PDZD2: variants seen among roughly 807,000 people sequenced by gnomAD.
The protein encoded by PDZD2 is PDZ domain-containing protein 2.
Under a neutral mutation model 220.7 loss-of-function variants are expected in PDZD2, and 90 were observed. The ratio of observed to expected loss-of-function variants is 0.41; its 90% confidence interval spans 0.34 to 0.49. The LOEUF (loss-of-function observed/expected upper bound fraction) is 0.49. Among genes scored for constraint, PDZD2 ranks in the 20% least tolerant of loss-of-function variants. The probability of loss-of-function intolerance (pLI) is 0.28; values close to 1 mark genes in which losing one functional copy is unlikely to be tolerated. For synonymous variants in PDZD2, 1,375 were observed against 1,450.5 expected (o/e 0.95, Z 1.18); for missense variants, 3,174 against 3,608.5 (o/e 0.88, Z 3.08).
In PDZD2 at chr5:31,752,959, C is replaced by T. The variant is rs1751095801; in HGVS notation, c.-360-45930C>T. On this transcript the variant is annotated intron_variant, in intron 1 of 24. Transcript: ENST00000438447. ...GCCATGGGCCTTAGTTATCCTTGAA[C>T]CCCTCCTCCAAGGCCAGCACAGCCT... Among the ~76,000 whole-genome samples, 6 of 152,162 alleles carry T rather than the reference C, an allele frequency of 3.9e-5. No homozygotes were observed. In the South Asian group the frequency reaches 1.2e-3, roughly 32 times the overall value.
chr5:31,836,298 C>G (rs11742361), intron 2 of PDZD2, among the ~76,000 whole-genome samples: 88,980 of 146,240 alleles, frequency 0.61, 28,848 homozygotes, highest in Non-Finnish European at 0.73. Context: ...GTGGCATGAT[C>G]TTGGCTCACT....
chr5:32,035,369 T>C (rs1755455643), intron 6 of PDZD2, among the ~76,000 whole-genome samples: 1 of 152,112 alleles, frequency 6.6e-6, no homozygotes, highest in South Asian at 2.1e-4. Context: ...CAAGTGATTC[T>C]CCAGCCTTAG....
chr5:31,695,361 T>A (rs996168951), intron 1 of PDZD2, among the ~76,000 whole-genome samples: 2 of 152,180 alleles, frequency 1.3e-5, no homozygotes, highest in Non-Finnish European at 1.5e-5. Flanking sequence ...TTTCAAAAAA[T>A]AAAAATTAAT....
At chr5:31,777,173 G>A (rs1037448743) in intron 1 of PDZD2, among the ~76,000 whole-genome samples, 78 of 152,172 alleles carry the variant, frequency 5.1e-4, no homozygotes, top group African/African-American at 2.4e-4. Context: ...GGGTGGGCAC[G>A]GGCTCGGCAG....
At position 32,058,056 on chromosome 5, in the gene PDZD2, C is replaced by G. The variant is rs144128749; in HGVS notation, c.2153C>G (p.Thr718Ser). The G allele has an allele frequency of 8.1e-6, 13 of 1,610,444 alleles. No homozygotes were observed. The highest frequency in any genetic ancestry group is 1.1e-5 in the Non-Finnish European group (13 of 1,176,732). The stretch of plus-strand genomic sequence containing the variant: ...AGTTCTTCATCCCTGGGTCGGAAGA[C>G]CCCTGGGCCCAAGGACAGGATCGTC... Reference protein sequence around the residue: ...EGSSSSLGRKTPGPKDRIVME... With the variant: ...EGSSSSLGRKSPGPKDRIVME... The change falls in exon 12 of 25, where the codon ACC (threonine) becomes AGC (serine). Residue 718 changes from threonine to serine, a missense_variant. Around this residue, in one of 4 missense-constraint regions of PDZD2, gnomAD observed 1,861 missense variants for 2,001.0 expected, o/e 0.93. Transcript: ENST00000438447.
chr5:32,037,914 T>C (rs1755683873), intron 7 of PDZD2, among the ~76,000 whole-genome samples: 1 of 151,660 alleles, frequency 6.6e-6, no homozygotes, highest in Admixed American at 6.6e-5. Flanking sequence ...TGATCTCGGC[T>C]CACTACAACC....
chr5:31,727,471 C>T (rs534956000), intron 1 of PDZD2, among the ~76,000 whole-genome samples: 1 of 152,052 alleles, frequency 6.6e-6, no homozygotes, highest in South Asian at 2.1e-4. Context: ...CTTTGGGAGG[C>T]CGAGGCGGGC....
In PDZD2 at chr5:32,083,087, T is replaced by G. The variant is rs1207632732; in HGVS notation, c.3683-4044T>G. On this transcript the variant is annotated intron_variant, in intron 19 of 24. Coordinates refer to ENST00000438447, the MANE Select transcript of PDZD2 (RefSeq NM_178140.4). The surrounding 1 kb of genome is among the most constrained non-coding windows in gnomAD (Gnocchi z 4.1). ...TTTGAAAGATAGCATAAAAATCAGC[T>G]AAGCCCAAGTGAAAAACCTCTGTTA... Among the ~76,000 whole-genome samples, 1 of 152,010 alleles carries G rather than the reference T, an allele frequency of 6.6e-6. No homozygotes were observed. Among genetic ancestry groups the G allele is most frequent in the African/African-American group, 2.4e-5 (1 of 41,410 alleles).
intron 1 of PDZD2, among the ~76,000 whole-genome samples, chr5:31,668,938 G>A (rs528150808): frequency 3.5e-4 from 54 of 152,220 alleles, no homozygotes; most frequent in African/African-American, 1.2e-3. Flanking sequence ...GTGGGGCTGG[G>A]GCTGGACCTC....
At chr5:31,750,996 A>C (rs1035154333) in intron 1 of PDZD2, among the ~76,000 whole-genome samples, 1 of 152,146 alleles carries the variant, frequency 6.6e-6, no homozygotes, top group African/African-American at 2.4e-5. Flanking sequence ...TAATCCTAGC[A>C]CTTTGGGAGG....
chr5:31,995,555 G>T (rs1260919460), intron 3 of PDZD2, 21 bp from the exon 4 acceptor site: 1 of 1,613,752 alleles, frequency 6.2e-7, no homozygotes, highest in East Asian at 2.2e-5. Context: ...CCTTCATGGT[G>T]TGCTCACTTT....
chr5:31,861,690 T>A (rs1475262896), intron 2 of PDZD2, among the ~76,000 whole-genome samples: 1 of 152,078 alleles, frequency 6.6e-6, no homozygotes, highest in Non-Finnish European at 1.5e-5. Flanking sequence ...CAAGCACTAG[T>A]TTTCACTCCC....
At chr5:31,717,138 T>C (rs1018443029) in intron 1 of PDZD2, among the ~76,000 whole-genome samples, 2 of 152,086 alleles carry the variant, frequency 1.3e-5, no homozygotes, top group South Asian at 4.2e-4. Context: ...AGTCAATAGA[T>C]CATCCTTTAA....
intron 6 of PDZD2, among the ~76,000 whole-genome samples, chr5:32,035,869 C>T (rs1489669703): frequency 2.0e-5 from 3 of 152,332 alleles, no homozygotes; most frequent in Admixed American, 2.0e-4. Flanking sequence ...GAACTCCAGA[C>T]AACTGTCAGG....
chr5:31,641,748 C>T (rs1036792255), intron 1 of PDZD2, among the ~76,000 whole-genome samples: 1 of 152,074 alleles, frequency 6.6e-6, no homozygotes, highest in African/African-American at 2.4e-5. Context: ...CTTGGTCTCC[C>T]AACGTGCTGG....
chr5:32,087,253 GCATCGC>G lies in PDZD2; in HGVS notation c.3807_3812del (p.Ser1270_Pro1271del). On this transcript the variant is annotated inframe_deletion, in exon 20 of 25. Transcript: ENST00000438447. This position sits in a 1 kb window ranked among gnomAD's most constrained non-coding sequence, Gnocchi z 4.0. ...TCGGCCAGAGAATCCCAGCCAGCCT[GCATCGC>G]CCAGGGTCACCAAGTGCAAGGCCAG... 6.2e-7 allele frequency: 1 copy of G among 1,614,170 alleles called. No individual in the cohort carries two copies. Among genetic ancestry groups the G allele is most frequent in the Non-Finnish European group, 8.5e-7 (1 of 1,180,002 alleles).
intron 2 of PDZD2, among the ~76,000 whole-genome samples, chr5:31,956,674 G>A (rs1055743455): frequency 6.9e-6 from 1 of 144,442 alleles, no homozygotes. Context: ...CAGAAGAATC[G>A]CTTGAACCAG....
intron 2 of PDZD2, among the ~76,000 whole-genome samples, chr5:31,821,772 G>A (rs376450321): frequency 1.3e-5 from 2 of 152,034 alleles, no homozygotes; most frequent in South Asian, 2.1e-4. Flanking sequence ...GTGGTTTGCT[G>A]CGCCCATCAA....
intron 2 of PDZD2, among the ~76,000 whole-genome samples, chr5:31,926,327 G>A (rs912685787): frequency 1.3e-5 from 2 of 151,546 alleles, no homozygotes; most frequent in Non-Finnish European, 2.9e-5. Context: ...TCAGGAGTTC[G>A]AGACCAGCGG....
Sources: allele counts gnomAD v4.1 joint callset (sites outside exome capture counted in the v4.1 genomes callset), GRCh38; gene constraint gnomAD v4.1.1; regional missense constraint gnomAD v4.1.1; non-coding constraint Gnocchi (gnomAD v3.1); transcripts MANE v1.5; gene names NCBI Gene and HGNC (gene_info 2026-07-23, HGNC 2026-07-21).